The following MCF2L variants were observed in gnomAD, a reference collection of about 807,000 sequenced individuals.
MCF2L encodes the protein MCF.2 cell line derived transforming sequence like, also known as guanine nucleotide exchange factor DBS.
In MCF2L, 97 loss-of-function variants were observed where a neutral mutation model predicts 153.4. That is an observed-to-expected ratio of 0.63 (90% CI 0.54 to 0.75). MCF2L has a LOEUF of 0.75. Ranked by LOEUF, MCF2L falls within the 30% of genes least tolerant of loss-of-function variation. MCF2L has a pLI of 0.00. For missense variants in MCF2L, 1,347 were observed against 1,495.2 expected (o/e 0.90, Z 1.64); for synonymous variants, 659 against 632.2 (o/e 1.04, Z -0.64).
intron 2 of MCF2L, among the ~76,000 whole-genome samples, chr13:112,944,855 G>A (rs536572556): frequency 2.0e-5 from 3 of 152,156 alleles, no homozygotes; most frequent in Non-Finnish European, 4.4e-5. Flanking sequence ...GGCTTTCTCT[G>A]CAAGCTCTGT....
intron 1 of MCF2L, among the ~76,000 whole-genome samples, chr13:112,994,343 C>T (rs1012975901): frequency 2.7e-5 from 4 of 150,720 alleles, no homozygotes; most frequent in Non-Finnish European, 4.4e-5. Flanking sequence ...GTGTCTCGGG[C>T]GGGGGCCAGT....
At chr13:112,957,418 T>C (rs543788485) in intron 2 of MCF2L, 4 of 152,356 alleles carry the variant, frequency 2.6e-5, no homozygotes, top group African/African-American at 9.6e-5. Context: ...CATAGAACGA[T>C]AGAGATTTAG....
chr13:113,030,677 G>A (rs932263691), intron 3 of MCF2L, among the ~76,000 whole-genome samples: 3 of 152,194 alleles, frequency 2.0e-5, no homozygotes, highest in Admixed American at 6.5e-5. Context: ...GGGCAGGTTC[G>A]GATCTCTGAA....
intron 2 of MCF2L, among the ~76,000 whole-genome samples, chr13:112,911,252 C>T (rs2081228762): frequency 6.6e-6 from 1 of 152,202 alleles, no homozygotes; most frequent in Non-Finnish European, 1.5e-5. Context: ...GAGGTGATGG[C>T]CAGAGGGAGC....
upstream of MCF2L, chr13:112,967,804 G>A (rs1018674311): frequency 1.3e-5 from 2 of 153,752 alleles, no homozygotes; most frequent in Admixed American, 6.5e-5. Context: ...GTTGGACGCT[G>A]GAATGCTGGT....
chr13:112,983,705 C>T lies in MCF2L; in HGVS notation c.79+14247C>T, dbSNP rs987842504. On this transcript the variant is annotated intron_variant, in intron 1 of 29. Coordinates refer to ENST00000535094, the MANE Select transcript of MCF2L (RefSeq NM_001112732.3). This position sits in a 1 kb window ranked among gnomAD's most constrained non-coding sequence, Gnocchi z 4.0. ...GGTGACGGACACTTCAGTGCTCTGA[C>T]GCACTGTGGCCCCGGGGAAGCGTGG... is the stretch of plus-strand genomic sequence containing the variant. Among the ~76,000 whole-genome samples, 2 of 152,200 alleles carry T rather than the reference C, an allele frequency of 1.3e-5. No homozygotes were observed. Among genetic ancestry groups the T allele is most frequent in the Non-Finnish European group, 2.9e-5 (2 of 68,036 alleles).
At chr13:112,980,034 G>C (rs1224006604) in intron 1 of MCF2L, among the ~76,000 whole-genome samples, 1 of 152,258 alleles carries the variant, frequency 6.6e-6, no homozygotes, top group Non-Finnish European at 1.5e-5. Flanking sequence ...GGAAAGACGA[G>C]TGGACTCAAA....
At chr13:113,033,179 ACGTG>A (rs1566772328) in intron 3 of MCF2L, among the ~76,000 whole-genome samples, 2 of 51,228 alleles carry the variant, frequency 3.9e-5, no homozygotes, top group African/African-American at 1.2e-4. Flanking sequence ...GGCCCCCATG[ACGTG>A]AGTGGACCCC....
chr13:113,009,848 AC>A (rs1247284176), intron 1 of MCF2L: 1 of 152,238 alleles, frequency 6.6e-6, no homozygotes, highest in African/African-American at 2.4e-5. Flanking sequence ...TCAGCCTTGG[AC>A]TTTGAAAAGG....
chr13:113,019,037 C>T (rs752855244), intron 2 of MCF2L, among the ~76,000 whole-genome samples: 5 of 152,194 alleles, frequency 3.3e-5, no homozygotes, highest in African/African-American at 4.8e-5. Flanking sequence ...GCTCTCCTCC[C>T]GGGAAGAACG....
chr13:112,933,325 T>G (rs1388851643), intron 2 of MCF2L, among the ~76,000 whole-genome samples: 3 of 152,212 alleles, frequency 2.0e-5, no homozygotes, highest in Non-Finnish European at 4.4e-5. Context: ...CACCAGGAGC[T>G]CCGTGGAAGC....
chr13:112,896,760 C>T (rs9603983), intron 1 of MCF2L, among the ~76,000 whole-genome samples: 5,475 of 152,316 alleles, frequency 0.036, 347 homozygotes, highest in African/African-American at 0.12. Flanking sequence ...GTGAGACTCT[C>T]ATGTGGCAGG....
chr13:113,087,791 A>T lies in MCF2L; in HGVS notation c.2680A>T (p.Ile894Phe). The T allele has an allele frequency of 6.2e-7, 1 of 1,614,032 alleles. No individual in the cohort carries two copies. The highest frequency in any genetic ancestry group is 8.5e-7 in the Non-Finnish European group (1 of 1,179,984). ...IWYNAREEVY[I>F]VQAPTPEIKA... is the part of the protein sequence containing the mutation. ...GTACAACGCGCGCGAGGAGGTCTAC[A>T]TCGTCCAGGTGGGCCACCCACCCTA... Residue 894 changes from isoleucine to phenylalanine, a missense_variant, in exon 23 of 30, where the codon ATC becomes TTC. By Grantham distance (21) the Ile-to-Phe change is conservative. Transcript: ENST00000535094.
chr13:112,933,477 G>A (rs1174658866), intron 2 of MCF2L, among the ~76,000 whole-genome samples: 2 of 152,234 alleles, frequency 1.3e-5, no homozygotes, highest in East Asian at 3.8e-4. Flanking sequence ...CCAAACCTGA[G>A]TGCTGGGACC....
At chr13:112,924,439 T>C (rs2081383405) in intron 2 of MCF2L, among the ~76,000 whole-genome samples, 1 of 152,224 alleles carries the variant, frequency 6.6e-6, no homozygotes, top group East Asian at 1.9e-4. Context: ...GCTTAACATG[T>C]AGAAATCATA....
At chr13:112,895,203 G>A (rs2081055040) in intron 1 of MCF2L, among the ~76,000 whole-genome samples, 1 of 152,152 alleles carries the variant, frequency 6.6e-6, no homozygotes, top group African/African-American at 2.4e-5. Context: ...GGGAGGGCTG[G>A]GCCAGAGGGG....
At chr13:113,091,135 C>A (rs776806920) in intron 26 of MCF2L, 1 of 1,300,350 alleles carries the variant, frequency 7.7e-7, no homozygotes, top group Non-Finnish European at 1.0e-6. Context: ...TCCTACCAGT[C>A]CTGACAAAAA....
chr13:113,098,689 G>A lies in MCF2L; in HGVS notation c.*1830G>A, dbSNP rs998982450. The A allele has an allele frequency of 6.6e-6, 1 of 152,272 alleles. No homozygotes were observed. The highest frequency in any genetic ancestry group is 1.5e-5 in the Non-Finnish European group (1 of 68,052). 9.4% of individuals were successfully genotyped at this position (152,272 alleles called of 1,614,324 possible). On this transcript the variant is annotated 3_prime_UTR_variant, in exon 30 of 30. Transcript: ENST00000535094. ...TGGGCAGGGCCCAGCGTGCGGCTCA[G>A]GCACCGAGCAACCGCTTTGCTTTCT...
At chr13:113,094,402 G>A (rs911043398) in intron 26 of MCF2L, 112 bp from the exon 27 acceptor site, 10 of 1,134,252 alleles carry the variant, frequency 8.8e-6, no homozygotes, top group African/African-American at 1.6e-5. Context: ...TCTGTTGGGG[G>A]CCCACGGCAC....
Sources: gnomAD v4.1 joint callset for allele counts (sites outside exome capture counted in the v4.1 genomes callset) on GRCh38, gnomAD v4.1.1 for gene constraint, Gnocchi (gnomAD v3.1) non-coding constraint, MANE v1.5 for transcripts, NCBI Gene and HGNC (gene_info 2026-07-23, HGNC 2026-07-21) for gene names.